SPOCK3: variants seen among roughly 807,000 people sequenced by gnomAD.
SPOCK3 encodes the protein SPARC (osteonectin), cwcv and kazal like domains proteoglycan 3.
Under a neutral mutation model 56.6 loss-of-function variants are expected in SPOCK3, and 30 were observed. That is an observed-to-expected ratio of 0.53 (90% CI 0.40 to 0.72). The LOEUF (loss-of-function observed/expected upper bound fraction) is 0.72, where lower values mean the gene tolerates loss of function less well. Among genes scored for constraint, SPOCK3 ranks in the 30% least tolerant of loss-of-function variants. The pLI is 0.00. For synonymous variants in SPOCK3, 196 were observed against 183.3 expected (o/e 1.07, Z -0.56); for missense variants, 527 against 530.0 (o/e 0.99, Z 0.06).
At chr4:167,053,330 G>A (rs1358707478) in intron 3 of SPOCK3, among the ~76,000 whole-genome samples, 2 of 151,902 alleles carry the variant, frequency 1.3e-5, no homozygotes, top group Non-Finnish European at 2.9e-5. Context: ...TAGATTATCT[G>A]AGCTGCTTGA....
intron 3 of SPOCK3, among the ~76,000 whole-genome samples, chr4:167,011,935 C>A (rs949021380): frequency 6.6e-5 from 10 of 151,704 alleles, no homozygotes; most frequent in African/African-American, 2.2e-4. Flanking sequence ...TATTTTATAT[C>A]TTTTTAATAT....
At chr4:166,919,774 A>C (rs1384884571) in intron 4 of SPOCK3, among the ~76,000 whole-genome samples, 1 of 152,234 alleles carries the variant, frequency 6.6e-6, no homozygotes, top group Admixed American at 6.5e-5. Flanking sequence ...CCAACAGATT[A>C]AGAATTTATA....
At chr4:166,967,065 G>T (rs1388076574) in intron 4 of SPOCK3, among the ~76,000 whole-genome samples, 1 of 152,142 alleles carries the variant, frequency 6.6e-6, no homozygotes, top group African/African-American at 2.4e-5. Flanking sequence ...TTTGGTCAAA[G>T]ATGTGAGAAC....
intron 3 of SPOCK3, among the ~76,000 whole-genome samples, chr4:167,034,426 A>G (rs1026157237): frequency 2.6e-5 from 4 of 152,082 alleles, no homozygotes; most frequent in African/African-American, 9.6e-5. Context: ...AGTATGAGAT[A>G]CTGAATGTCT....
chr4:166,847,283 A>G (rs963499716), intron 6 of SPOCK3, among the ~76,000 whole-genome samples: 4 of 151,976 alleles, frequency 2.6e-5, no homozygotes, highest in African/African-American at 4.8e-5. Flanking sequence ...CTTTTATTTT[A>G]TTATTCAGTC....
At chr4:167,009,393 A>G (rs1158292222) in intron 3 of SPOCK3, among the ~76,000 whole-genome samples, 1 of 152,182 alleles carries the variant, frequency 6.6e-6, no homozygotes, top group Non-Finnish European at 1.5e-5. Flanking sequence ...GTGTATCCAG[A>G]CACTGGTTTA....
chr4:166,948,579 T>G (rs1742079101), intron 4 of SPOCK3, among the ~76,000 whole-genome samples: 1 of 152,198 alleles, frequency 6.6e-6, no homozygotes, highest in African/African-American at 2.4e-5. Context: ...AAAGATGATA[T>G]CTCATTGTGG....
chr4:166,773,225 C>G (rs1739156397), intron 7 of SPOCK3, among the ~76,000 whole-genome samples: 2 of 152,036 alleles, frequency 1.3e-5, no homozygotes, highest in Admixed American at 6.6e-5. Flanking sequence ...TGGAACTGAC[C>G]AGGTCTAAAT....
At chr4:167,209,198 C>T (rs1202637852) in intron 2 of SPOCK3, among the ~76,000 whole-genome samples, 1 of 151,876 alleles carries the variant, frequency 6.6e-6, no homozygotes, top group Non-Finnish European at 1.5e-5. Flanking sequence ...GTATTGGGTG[C>T]CATGATATGG....
At chr4:167,048,202 G>T (rs1296845767) in intron 3 of SPOCK3, among the ~76,000 whole-genome samples, 1 of 151,546 alleles carries the variant, frequency 6.6e-6, no homozygotes, top group Non-Finnish European at 1.5e-5. Context: ...TGTCAAAAAA[G>T]ATCTAGTATT....
intron 2 of SPOCK3, among the ~76,000 whole-genome samples, chr4:167,157,636 A>T (rs1764930893): frequency 6.9e-6 from 1 of 145,866 alleles, no homozygotes; most frequent in Non-Finnish European, 1.5e-5. Flanking sequence ...AAAACACAAT[A>T]AATCATTGTT....
chr4:166,995,133 G>T (rs750086463), intron 4 of SPOCK3, among the ~76,000 whole-genome samples: 21 of 152,110 alleles, frequency 1.4e-4, no homozygotes, highest in Admixed American at 6.6e-5. Flanking sequence ...TAAATTAAGT[G>T]AATTCTCTGT....
At chr4:167,048,774 T>C (rs925029165) in intron 3 of SPOCK3, among the ~76,000 whole-genome samples, 2 of 152,196 alleles carry the variant, frequency 1.3e-5, no homozygotes, top group Non-Finnish European at 2.9e-5. Context: ...AGTCATAGTA[T>C]ATTTATTTAT....
chr4:166,882,938 TC>T (rs1172498964), intron 6 of SPOCK3: 1 of 152,150 alleles, frequency 6.6e-6, no homozygotes, highest in Admixed American at 6.5e-5. Context: ...ATTTTATTTT[TC>T]CATGGCTCCA....
At chr4:167,023,098 C>T (rs561564907) in intron 3 of SPOCK3, among the ~76,000 whole-genome samples, 15 of 151,956 alleles carry the variant, frequency 9.9e-5, no homozygotes, top group Admixed American at 8.5e-4. Flanking sequence ...TGGTTTTTCA[C>T]TTAGTCAATG....
intron 6 of SPOCK3, among the ~76,000 whole-genome samples, chr4:166,880,793 T>C (rs1475777044): frequency 3.3e-5 from 5 of 152,184 alleles, no homozygotes; most frequent in Admixed American, 2.6e-4. Context: ...TTAATCACAA[T>C]CATTTCAAGC....
intron 2 of SPOCK3, among the ~76,000 whole-genome samples, chr4:167,116,384 T>C (rs1024656844): frequency 2.0e-5 from 3 of 148,450 alleles, no homozygotes; most frequent in East Asian, 3.9e-4. Context: ...AAGTTATATA[T>C]ATACTTTTGT....
chr4:167,065,062 T>TAAAAAAAAAAAAAAAAAAAAAAAAA (rs74281519), intron 2 of SPOCK3, among the ~76,000 whole-genome samples: 2 of 56,862 alleles, frequency 3.5e-5, no homozygotes, highest in Admixed American at 1.9e-4. Flanking sequence ...AAAAAAAAAG[T>TAAAAAAAAAAAAAAAAAAAAAAAAA]CAAACGCAGC....
At chr4:166,880,000 G>A (rs1427081367) in intron 6 of SPOCK3, among the ~76,000 whole-genome samples, 1 of 152,126 alleles carries the variant, frequency 6.6e-6, no homozygotes, top group South Asian at 2.1e-4. Flanking sequence ...AGCTGCAGAA[G>A]CCCTGATGCT....
Sources: gnomAD v4.1 joint callset for allele counts (sites outside exome capture counted in the v4.1 genomes callset) on GRCh38, gnomAD v4.1.1 for gene constraint, MANE v1.5 for transcripts, NCBI Gene and HGNC (gene_info 2026-07-23, HGNC 2026-07-21) for gene names.